CMTR1: variants seen among roughly 807,000 people sequenced by gnomAD.
CMTR1 encodes cap methyltransferase 1.
Under a neutral mutation model 107.0 loss-of-function variants are expected in CMTR1, and 39 were observed. The observed-to-expected ratio is 0.36, with a 90% CI of 0.28 to 0.48. The LOEUF (loss-of-function observed/expected upper bound fraction) is 0.48. Among genes scored for constraint, CMTR1 ranks in the 20% least tolerant of loss-of-function variants. The pLI is 0.99. For missense variants in CMTR1, 672 were observed against 1,064.9 expected (o/e 0.63, Z 5.14); for synonymous variants, 366 against 379.5 (o/e 0.96, Z 0.41).
rs559850434 is a variant in CMTR1, at chr6:37,454,244, T to G, written c.777+932T>G. ...CCCTCATTCCACTAGACCCCCTGAT[T>G]ATCCACTGGCTAAAGAAACTTGTTT... On this transcript the variant is annotated intron_variant, in intron 8 of 23. Transcript: ENST00000373451. Among the ~76,000 whole-genome samples, 183 of 152,322 alleles carry G rather than the reference T, an allele frequency of 1.2e-3. 1 individual carries two copies. The highest frequency in any genetic ancestry group is 4.1e-3 in the African/African-American group (172 of 41,578).
chr6:37,445,701 G>T (rs538034679), intron 3 of CMTR1, among the ~76,000 whole-genome samples: 4 of 151,884 alleles, frequency 2.6e-5, no homozygotes, highest in East Asian at 1.9e-4. Context: ...CACCGTGTTA[G>T]CCAGGATGGT....
chr6:37,480,244 G>A lies in CMTR1; in HGVS notation c.*99G>A. On this transcript the variant is annotated 3_prime_UTR_variant, in exon 24 of 24. Coordinates refer to ENST00000373451, the MANE Select transcript of CMTR1 (RefSeq NM_015050.3). ...TGGCTTCTTCCCCCTCTTGAAAAGG[G>A]ACTGGGGAGCATTGCACCTGGCATG... 1 of 1,537,114 alleles carries A rather than the reference G, an allele frequency of 6.5e-7. No individual in the cohort carries two copies. Among genetic ancestry groups the A allele is most frequent in the African/African-American group, 1.4e-5 (1 of 70,542 alleles).
intron 10 of CMTR1, among the ~76,000 whole-genome samples, chr6:37,461,324 G>A (rs1761399654): frequency 6.6e-6 from 1 of 152,200 alleles, no homozygotes; most frequent in South Asian, 2.1e-4. Flanking sequence ...GAATGACAGA[G>A]CAGGAAAGTG....
intron 20 of CMTR1, among the ~76,000 whole-genome samples, chr6:37,476,763 C>T (rs1158191214): frequency 6.6e-6 from 1 of 152,242 alleles, no homozygotes; most frequent in African/African-American, 2.4e-5. Flanking sequence ...TGCCAAAGGG[C>T]ACTGCTTAGC....
intron 8 of CMTR1, among the ~76,000 whole-genome samples, chr6:37,455,116 CTGT>C (rs912958340): frequency 1.3e-4 from 20 of 149,908 alleles, no homozygotes; most frequent in Non-Finnish European, 5.9e-5. Context: ...CGGAGTTTCG[CTGT>C]TGTTGCCCAG....
At chr6:37,466,114 G>GTTTTTTT (rs763461526) in intron 13 of CMTR1, among the ~76,000 whole-genome samples, 1 of 125,192 alleles carries the variant, frequency 8.0e-6, no homozygotes. Context: ...TACAGTTTTT[G>GTTTTTTT]TTTTTTTTTT....
chr6:37,472,044 A>C lies in CMTR1; in HGVS notation c.1620+140A>C. On this transcript the variant is annotated intron_variant, in intron 15 of 23. Transcript: ENST00000373451. This position sits in a 1 kb window ranked among gnomAD's most constrained non-coding sequence, Gnocchi z 4.1. The stretch of plus-strand genomic sequence containing the variant: ...CCCTCACAGCATCCCAGAGGTTGAC[A>C]TCTCGGCATTGTTGGTAGTTACGTC... 1 of 768,702 alleles carries C rather than the reference A, an allele frequency of 1.3e-6. No homozygotes were observed. The highest frequency in any genetic ancestry group is 1.7e-5 in the African/African-American group (1 of 57,238). 47.6% of individuals were successfully genotyped at this position (768,702 alleles called of 1,614,324 possible).
At chr6:37,465,949 T>C (rs1024993542) in intron 13 of CMTR1, among the ~76,000 whole-genome samples, 2 of 152,106 alleles carry the variant, frequency 1.3e-5, no homozygotes, top group African/African-American at 4.8e-5. Flanking sequence ...CCCCACTGCA[T>C]TGATTGTGTC....
upstream of CMTR1, among the ~76,000 whole-genome samples, chr6:37,431,456 C>T (rs1771366283): frequency 2.0e-5 from 3 of 152,218 alleles, no homozygotes; most frequent in South Asian, 2.1e-4. Flanking sequence ...CATTCATATT[C>T]CACACTTCCA....
intron 17 of CMTR1, 91 bp from the exon 18 acceptor site, chr6:37,474,433 T>C (rs1761692673): frequency 1.4e-6 from 2 of 1,468,976 alleles, no homozygotes; most frequent in Non-Finnish European, 9.4e-7. Flanking sequence ...CATCAGTTTG[T>C]AGCTGCCAAC....
At chr6:37,431,154 T>G (rs1186860437), upstream of CMTR1, among the ~76,000 whole-genome samples, 1 of 152,176 alleles carries the variant, frequency 6.6e-6, no homozygotes, top group Non-Finnish European at 1.5e-5. Context: ...TTTGAATGCA[T>G]TCTCTCATTA....
At position 37,472,536 on chromosome 6, in the gene CMTR1, A is replaced by T; in HGVS notation, c.1689+49A>T. 1 of 1,565,404 alleles carries T rather than the reference A, an allele frequency of 6.4e-7. No individual in the cohort carries two copies. The highest frequency in any genetic ancestry group is 1.1e-5 in the South Asian group (1 of 90,060). ...CATAAAAAGTTAGAGATCTGTCTCT[A>T]GATGTGGATGGTATCACTGAGGCCC... On this transcript the variant is annotated intron_variant, in intron 16 of 23. Coordinates refer to ENST00000373451, the MANE Select transcript of CMTR1 (RefSeq NM_015050.3). The surrounding 1 kb of genome is among the most constrained non-coding windows in gnomAD (Gnocchi z 4.1).
At chr6:37,429,403 A>C (rs1367131149), upstream of CMTR1, among the ~76,000 whole-genome samples, 2 of 152,232 alleles carry the variant, frequency 1.3e-5, no homozygotes, top group Non-Finnish European at 2.9e-5. Flanking sequence ...AGTGTTGTTG[A>C]AAGAAAAACT....
In CMTR1 at chr6:37,480,427, G is replaced by C. The variant is rs1289622919; in HGVS notation, c.*282G>C. The stretch of plus-strand genomic sequence containing the variant: ...GAGGCAGGTATGAGGTCAGTGCCTA[G>C]GGCACGTGGGACTGATGGAGGACAT... On this transcript the variant is annotated 3_prime_UTR_variant, in exon 24 of 24. Transcript: ENST00000373451. 1.6e-6 allele frequency: 2 copies of C among 1,255,624 alleles called. No individual in the cohort carries two copies. Among genetic ancestry groups the C allele is most frequent in the Non-Finnish European group, 2.0e-6 (2 of 999,710 alleles). 77.8% of individuals were successfully genotyped at this position (1,255,624 alleles called of 1,614,324 possible). A position where few individuals can be genotyped will look rare whatever the true frequency, so the allele number is the denominator to read the frequency against.
chr6:37,467,880 CT>C (rs1296690516), intron 13 of CMTR1, among the ~76,000 whole-genome samples: 3 of 151,954 alleles, frequency 2.0e-5, no homozygotes, highest in Non-Finnish European at 4.4e-5. Flanking sequence ...TGAGTCTTAC[CT>C]TTTTGTCCAG....
upstream of CMTR1, among the ~76,000 whole-genome samples, chr6:37,431,380 G>C (rs776430305): frequency 7.9e-5 from 12 of 152,182 alleles, no homozygotes; most frequent in Non-Finnish European, 1.6e-4. Flanking sequence ...TTAGAACATA[G>C]AGAACTAGGT....
At chr6:37,460,661 C>A (rs949654702) in intron 10 of CMTR1, among the ~76,000 whole-genome samples, 3 of 152,188 alleles carry the variant, frequency 2.0e-5, no homozygotes, top group South Asian at 2.1e-4. Flanking sequence ...GAGTCAGGGA[C>A]ACCTGGGGCG....
rs768410267 is a variant in CMTR1, at chr6:37,462,038, T to A, written c.1261T>A (p.Tyr421Asn). ...TAGTGTGGGGCTTGTCTACCTGCTG[T>A]ACTGCTGCTTTGAACGAGTTTGTCT... ...PFSVGLVYLL[Y>N]CCFERVCLFK... The change falls in exon 12 of 24, where the codon TAC (tyrosine) becomes AAC (asparagine). Residue 421 changes from tyrosine (Y) to asparagine (N), a missense_variant. Coordinates refer to ENST00000373451, the MANE Select transcript of CMTR1 (RefSeq NM_015050.3). 2 of 1,614,030 alleles carry A rather than the reference T, an allele frequency of 1.2e-6. No homozygotes were observed. Among genetic ancestry groups the A allele is most frequent in the South Asian group, 2.2e-5 (2 of 91,060 alleles).
chr6:37,479,974 G>A (rs1262266132), intron 23 of CMTR1, 39 bp from the exon 24 acceptor site: 33 of 1,505,332 alleles, frequency 2.2e-5, no homozygotes, highest in Non-Finnish European at 2.8e-5. Context: ...TGCCATCTGG[G>A]TGCAGTCCTG....
Sources: gnomAD v4.1 joint callset for allele counts (sites outside exome capture counted in the v4.1 genomes callset) on GRCh38, gnomAD v4.1.1 for gene constraint, Gnocchi (gnomAD v3.1) non-coding constraint, MANE v1.5 for transcripts, NCBI Gene and HGNC (gene_info 2026-07-23, HGNC 2026-07-21) for gene names.